Variants in STAG1 observed in about 807,000 individuals in gnomAD.
STAG1 encodes cohesin subunit SA-1.
Under a neutral mutation model 170.9 loss-of-function variants are expected in STAG1, and 26 were observed. The observed-to-expected ratio is 0.15, with a 90% CI of 0.11 to 0.21. The LOEUF (loss-of-function observed/expected upper bound fraction) is 0.21. Ranked by LOEUF, STAG1 falls within the 10% of genes least tolerant of loss-of-function variation. The pLI, the probability that STAG1 is intolerant of heterozygous loss-of-function variation, is 1.00. For missense variants in STAG1, 964 were observed against 1,509.5 expected (o/e 0.64, Z 5.99); for synonymous variants, 514 against 497.7 (o/e 1.03, Z -0.44).
At chr3:136,602,063 T>C (rs1485559295) in intron 4 of STAG1, among the ~76,000 whole-genome samples, 1 of 152,032 alleles carries the variant, frequency 6.6e-6, no homozygotes, top group African/African-American at 2.4e-5. Context: ...AAATATCTCA[T>C]AAAATAAAGG....
At chr3:136,400,372 C>T (rs975053078) in intron 21 of STAG1, among the ~76,000 whole-genome samples, 3 of 151,850 alleles carry the variant, frequency 2.0e-5, no homozygotes, top group African/African-American at 7.3e-5. Context: ...GAACTACAGG[C>T]ACACGCCTGA....
At chr3:136,341,797 G>C (rs774245017) in intron 30 of STAG1, among the ~76,000 whole-genome samples, 5 of 152,188 alleles carry the variant, frequency 3.3e-5, no homozygotes, top group African/African-American at 9.7e-5. Flanking sequence ...GCCAAACAAG[G>C]GTTCTCAGAC....
chr3:136,348,406 C>T (rs1419074700), intron 29 of STAG1, among the ~76,000 whole-genome samples: 1 of 151,750 alleles, frequency 6.6e-6, no homozygotes, highest in East Asian at 1.9e-4. Context: ...TTAGCCATTA[C>T]TGCCTTTTTA....
At chr3:136,654,763 C>T (rs1416489791) in intron 1 of STAG1, among the ~76,000 whole-genome samples, 1 of 152,166 alleles carries the variant, frequency 6.6e-6, no homozygotes, top group Non-Finnish European at 1.5e-5. Flanking sequence ...TACCTCAAAA[C>T]TACAGTAATT....
At chr3:136,461,542 A>C (rs2089273691) in intron 13 of STAG1, among the ~76,000 whole-genome samples, 1 of 152,022 alleles carries the variant, frequency 6.6e-6, no homozygotes, top group Non-Finnish European at 1.5e-5. Context: ...TCTGAAAAAG[A>C]AGTCAAGAAG....
chr3:136,473,501 G>A (rs1037320322), intron 11 of STAG1, 38 bp downstream of exon 11: 17 of 1,463,916 alleles, frequency 1.2e-5, no homozygotes, highest in Non-Finnish European at 1.5e-5. Flanking sequence ...CATTTGTAAA[G>A]AGAAAAATTA....
At chr3:136,629,553 C>T (rs950436233) in intron 2 of STAG1, among the ~76,000 whole-genome samples, 2 of 151,428 alleles carry the variant, frequency 1.3e-5, no homozygotes, top group Admixed American at 1.3e-4. Context: ...AATAAGTAGG[C>T]AGAAATAAAT....
Position 136,340,546 on chromosome 3 carries a change from C to T in STAG1, c.3617G>A (p.Arg1206Gln), listed in dbSNP as rs746500344. ...PIFEDVMMSS[R>Q]SQLEDMNEEF... Reference sequence around the variant, plus strand: ...TTCATTCATATCTTCTAACTGGCTTCGGGATGACATCATCACATCTTCAAA... The same window carrying T: ...TTCATTCATATCTTCTAACTGGCTTTGGGATGACATCATCACATCTTCAAA... Residue 1206 changes from arginine (R) to glutamine (Q), a missense_variant, in exon 32 of 34, where the codon CGA becomes CAA. Physicochemically the swap from Arg to Gln is conservative, Grantham distance 43. Around this residue, in one of 11 missense-constraint regions of STAG1, gnomAD observed 59 missense variants for 104.2 expected, o/e 0.57. Transcript: ENST00000383202. 9.3e-6 allele frequency: 15 copies of T among 1,613,916 alleles called. No individual in the cohort carries two copies. The highest frequency in any genetic ancestry group is 4.0e-5 in the African/African-American group (3 of 74,932).
chr3:136,366,853 CT>C (rs1207691990), intron 25 of STAG1, 89 bp downstream of exon 25: 16 of 1,071,858 alleles, frequency 1.5e-5, no homozygotes, highest in Middle Eastern at 2.7e-4. Flanking sequence ...AGGTGAAAAG[CT>C]GTCAATTTTA....
At chr3:136,556,142 C>A (rs982332340) in intron 5 of STAG1, among the ~76,000 whole-genome samples, 12 of 152,228 alleles carry the variant, frequency 7.9e-5, no homozygotes, top group South Asian at 4.1e-4. Flanking sequence ...TTTTAAAAAA[C>A]CATTACTTAT....
intron 5 of STAG1, among the ~76,000 whole-genome samples, chr3:136,568,513 T>C (rs982611975): frequency 3.3e-5 from 5 of 152,148 alleles, no homozygotes; most frequent in African/African-American, 1.2e-4. Context: ...ATGAAACTAC[T>C]GAACGAATTT....
chr3:136,386,571 G>A (rs1229854108), intron 22 of STAG1, among the ~76,000 whole-genome samples: 2 of 152,092 alleles, frequency 1.3e-5, no homozygotes, highest in African/African-American at 2.4e-5. Context: ...AGTGAGGAAA[G>A]GTAAGGGAGT....
intron 1 of STAG1, among the ~76,000 whole-genome samples, chr3:136,673,667 C>CT (rs1315861888): frequency 4.9e-4 from 75 of 152,222 alleles, no homozygotes; most frequent in Non-Finnish European, 3.2e-4. Flanking sequence ...AAAAATTTTT[C>CT]ACCTCAAAGC....
At chr3:136,515,525 T>C (rs1235960213) in intron 7 of STAG1, among the ~76,000 whole-genome samples, 1 of 152,236 alleles carries the variant, frequency 6.6e-6, no homozygotes, top group Non-Finnish European at 1.5e-5. Context: ...TTAGTATCTA[T>C]GCTATAAAGA....
At chr3:136,576,912 T>C (rs1486456287) in intron 4 of STAG1, among the ~76,000 whole-genome samples, 3 of 152,068 alleles carry the variant, frequency 2.0e-5, no homozygotes, top group Non-Finnish European at 2.9e-5. Context: ...TGGAGAAAGA[T>C]AGATTCGTTT....
At chr3:136,644,982 G>A (rs1230474389) in intron 1 of STAG1, among the ~76,000 whole-genome samples, 3 of 151,996 alleles carry the variant, frequency 2.0e-5, no homozygotes, top group African/African-American at 7.2e-5. Flanking sequence ...CTCCTACCTC[G>A]ATCTCCCGAA....
At chr3:136,454,144 G>C (rs1162310327) in intron 13 of STAG1, among the ~76,000 whole-genome samples, 2 of 152,026 alleles carry the variant, frequency 1.3e-5, no homozygotes, top group Non-Finnish European at 2.9e-5. Context: ...ACCCAGGCTG[G>C]AGTGCAGCGG....
intron 6 of STAG1, among the ~76,000 whole-genome samples, chr3:136,524,867 C>G (rs1189030968): frequency 6.6e-6 from 1 of 152,080 alleles, no homozygotes; most frequent in East Asian, 1.9e-4. Flanking sequence ...TGGTTTTTGT[C>G]TTTGGTTCTG....
At chr3:136,495,350 C>T (rs530482422) in intron 9 of STAG1, among the ~76,000 whole-genome samples, 2 of 151,918 alleles carry the variant, frequency 1.3e-5, no homozygotes, top group East Asian at 1.9e-4. Flanking sequence ...GATTAAACTT[C>T]GAAAATAAAA....
Sources: gnomAD v4.1 joint callset for allele counts (sites outside exome capture counted in the v4.1 genomes callset) on GRCh38, gnomAD v4.1.1 for gene constraint, gnomAD v4.1.1 regional missense constraint, MANE v1.5 for transcripts, NCBI Gene and HGNC (gene_info 2026-07-23, HGNC 2026-07-21) for gene names.